EXOC6B: variants seen among roughly 807,000 people sequenced by gnomAD.
The protein encoded by EXOC6B is SEC15 homolog B.
A neutral mutation model predicts 113.5 loss-of-function variants in EXOC6B; 54 were observed. The observed-to-expected ratio is 0.48, with a 90% CI of 0.38 to 0.60. The LOEUF is 0.60. Among genes scored for constraint, EXOC6B ranks in the 20% least tolerant of loss-of-function variants. The pLI, the probability that EXOC6B is intolerant of heterozygous loss-of-function variation, is 0.00. For synonymous variants in EXOC6B, 357 were observed against 339.0 expected, an observed-to-expected ratio of 1.05 and a Z score of -0.58; for missense variants, 797 against 977.5, an observed-to-expected ratio of 0.82 and a Z score of 2.46.
At chr2:72,472,896 CA>C (rs142177567) in intron 17 of EXOC6B, among the ~76,000 whole-genome samples, 1 of 151,912 alleles carries the variant, frequency 6.6e-6, no homozygotes, top group African/African-American at 2.4e-5. Context: ...TCATTTGTTC[CA>C]AAAAACATTT....
chr2:72,596,432 T>G (rs1157989953), intron 6 of EXOC6B, among the ~76,000 whole-genome samples: 2 of 152,122 alleles, frequency 1.3e-5, no homozygotes, highest in African/African-American at 4.8e-5. Context: ...GGGGGGCTCC[T>G]GAGTTTTACC....
rs190523971 is a variant in EXOC6B, at chr2:72,744,246, C to G, written c.114-2777G>C. ...AATGACACATTTTTTAGAACATATC[C>G]TCTCTGCTAAGCAACATATGACTGT... On this transcript the variant is annotated intron_variant, in intron 1 of 21. Transcript: ENST00000272427. Among the ~76,000 whole-genome samples, 6 of 152,274 alleles carry G rather than the reference C, an allele frequency of 3.9e-5. 1 individual carries two copies. The East Asian group carries it at 7.7e-4, about 20-fold the overall frequency.
chr2:72,401,516 CAT>C (rs1269664142), intron 18 of EXOC6B, among the ~76,000 whole-genome samples: 6 of 20,506 alleles, frequency 2.9e-4, no homozygotes, highest in South Asian at 2.1e-3. Flanking sequence ...TATATATATA[CAT>C]ATATACATAT....
chr2:72,418,382 G>T (rs1356418649), intron 18 of EXOC6B, among the ~76,000 whole-genome samples: 1 of 152,070 alleles, frequency 6.6e-6, no homozygotes, highest in African/African-American at 2.4e-5. Context: ...TTTCTGCAGG[G>T]TTGTTCTATC....
At chr2:72,541,290 T>C (rs1319703154) in intron 8 of EXOC6B, among the ~76,000 whole-genome samples, 1 of 152,222 alleles carries the variant, frequency 6.6e-6, no homozygotes, top group African/African-American at 2.4e-5. Context: ...ATTAAACTTC[T>C]TTTTCTTCCC....
intron 21 of EXOC6B, among the ~76,000 whole-genome samples, 198 bp downstream of exon 21, chr2:72,183,877 A>G (rs1678249463): frequency 6.6e-6 from 1 of 152,176 alleles, no homozygotes; most frequent in Admixed American, 6.5e-5. Context: ...TTGGGGGCTC[A>G]GGAATTAATA....
At chr2:72,630,368 A>C (rs1421674020) in intron 6 of EXOC6B, among the ~76,000 whole-genome samples, 2 of 152,216 alleles carry the variant, frequency 1.3e-5, no homozygotes, top group African/African-American at 4.8e-5. Context: ...TCTCTTAAAA[A>C]AACAATTATG....
Position 72,731,045 on chromosome 2 carries a change from C to T in EXOC6B, c.426G>A (p.Glu142=). 1.9e-6 allele frequency: 3 copies of T among 1,551,304 alleles called. No individual in the cohort carries two copies. The highest frequency in any genetic ancestry group is 2.6e-6 in the Non-Finnish European group (3 of 1,148,772). ...DKLMLCLPVL[E]MYSKLRDQMK... The stretch of plus-strand genomic sequence containing the variant: ...TCTGGTCCCTCAGTTTGCTGTACAT[C>T]TCTAGGACTTAAAAGAAAGAAAAGA... Residue 142 remains glutamate (E), a synonymous_variant, in exon 5 of 22, where the codon GAG becomes GAA. Transcript: ENST00000272427.
At chr2:72,435,150 A>G (rs765390791) in intron 18 of EXOC6B, among the ~76,000 whole-genome samples, 11 of 151,964 alleles carry the variant, frequency 7.2e-5, no homozygotes, top group Non-Finnish European at 1.2e-4. Context: ...TTTCTGCCTT[A>G]ATTTTGTTAT....
chr2:72,202,491 A>G (rs938332503), intron 20 of EXOC6B, among the ~76,000 whole-genome samples: 4 of 152,210 alleles, frequency 2.6e-5, no homozygotes, highest in Admixed American at 6.5e-5. Context: ...CCCAGGACAG[A>G]CAGGTATTCT....
chr2:72,667,143 G>A (rs552409273), intron 6 of EXOC6B, among the ~76,000 whole-genome samples: 14 of 152,238 alleles, frequency 9.2e-5, no homozygotes, highest in African/African-American at 2.9e-4. Flanking sequence ...GATTACAGGC[G>A]TGAGCCATCA....
chr2:72,794,467 GA>G (rs369753284), intron 1 of EXOC6B, among the ~76,000 whole-genome samples: 1 of 151,192 alleles, frequency 6.6e-6, no homozygotes, highest in Admixed American at 6.6e-5. Context: ...GAAATAAACA[GA>G]AAAAAAAATT....
chr2:72,651,849 G>A (rs141571272), intron 6 of EXOC6B, among the ~76,000 whole-genome samples: 1 of 152,236 alleles, frequency 6.6e-6, no homozygotes, highest in African/African-American at 2.4e-5. Flanking sequence ...TCCTGACCTT[G>A]TGATCCGCCC....
At chr2:72,504,355 G>C (rs1700489703) in intron 11 of EXOC6B, among the ~76,000 whole-genome samples, 1 of 152,126 alleles carries the variant, frequency 6.6e-6, no homozygotes, top group African/African-American at 2.4e-5. Context: ...TAAATACTGA[G>C]ACTTAATCAA....
At chr2:72,430,836 A>C in intron 18 of EXOC6B, among the ~76,000 whole-genome samples, 1 of 152,212 alleles carries the variant, frequency 6.6e-6, no homozygotes, top group Admixed American at 6.5e-5. Context: ...AAGCTATTCA[A>C]ACAAACTGAG....
chr2:72,265,500 A>G (rs1684015480), intron 20 of EXOC6B, among the ~76,000 whole-genome samples: 1 of 149,058 alleles, frequency 6.7e-6, no homozygotes, highest in Non-Finnish European at 1.5e-5. Flanking sequence ...GAGAACATGC[A>G]GTGTTTGGTT....
chr2:72,313,149 G>A (rs558649192), intron 20 of EXOC6B, among the ~76,000 whole-genome samples: 2 of 152,148 alleles, frequency 1.3e-5, no homozygotes, highest in African/African-American at 4.8e-5. Context: ...AAAAACAATA[G>A]GGGTAACACA....
At chr2:72,520,948 C>T (rs1302860072) in intron 8 of EXOC6B, among the ~76,000 whole-genome samples, 1 of 152,152 alleles carries the variant, frequency 6.6e-6, no homozygotes, top group Non-Finnish European at 1.5e-5. Context: ...CCCCTTATCC[C>T]ATACTCTGAG....
intron 6 of EXOC6B, among the ~76,000 whole-genome samples, chr2:72,693,472 A>G (rs981358887): frequency 6.6e-6 from 1 of 152,174 alleles, no homozygotes; most frequent in Non-Finnish European, 1.5e-5. Context: ...TTCTTTGCCT[A>G]TGAAGTTGTT....
Sources: allele counts gnomAD v4.1 joint callset (sites outside exome capture counted in the v4.1 genomes callset), GRCh38; gene constraint gnomAD v4.1.1; transcripts MANE v1.5; gene names NCBI Gene and HGNC (gene_info 2026-07-23, HGNC 2026-07-21).